The following AARS2 variants were observed in gnomAD, a reference collection of about 807,000 sequenced individuals.
The protein encoded by AARS2 is alanine--tRNA ligase, mitochondrial.
AARS2 carries 78 observed loss-of-function variants against 119.7 expected under a neutral mutation model. The ratio of observed to expected loss-of-function variants is 0.65; its 90% CI spans 0.54 to 0.79. The LOEUF (loss-of-function observed/expected upper bound fraction) is 0.79. AARS2 is among the 30% of genes least tolerant of loss of function. The probability of loss-of-function intolerance (pLI) is 0.00; values close to 1 mark genes in which losing one functional copy is unlikely to be tolerated. For synonymous variants in AARS2, 502 were observed against 526.3 expected (o/e 0.95, Z 0.63); for missense variants, 1,157 against 1,291.3 (o/e 0.90, Z 1.59).
chr6:44,310,962 G>A (rs1786298129), intron 4 of AARS2, 32 bp downstream of exon 4: 1 of 1,613,488 alleles, frequency 6.2e-7, no homozygotes, highest in Admixed American at 1.7e-5. Context: ...CTTCTAGTCA[G>A]GGATTCTCAT....
In AARS2 at chr6:44,298,899, T is replaced by C. The variant is rs1785133254; in HGVS notation, c.*1648A>G. Among the ~76,000 whole-genome samples, 1 of 30,796 alleles carries C rather than the reference T, an allele frequency of 3.2e-5. No homozygotes were observed. The highest frequency in any genetic ancestry group is 2.1e-4 in the Non-Finnish European group (1 of 4,846). 20.2% of individuals were successfully genotyped at this position (30,796 alleles called of 152,430 possible). The stretch of plus-strand genomic sequence containing the variant: ...ACTCATTCTGGTAGGGAAGGAGGGC[T>C]TTCCTCCATCTCTGCTTCCTCCTGC... On this transcript the variant is annotated 3_prime_UTR_variant, in exon 22 of 22. Coordinates refer to ENST00000244571, the MANE Select transcript of AARS2 (RefSeq NM_020745.4).
At chr6:44,312,901 T>TC (rs1424559011) in intron 1 of AARS2, among the ~76,000 whole-genome samples, 180 bp downstream of exon 1, 1 of 151,924 alleles carries the variant, frequency 6.6e-6, no homozygotes, top group Non-Finnish European at 1.5e-5. Context: ...GCTCAAGCCC[T>TC]CCCCAAGCCC....
chr6:44,306,810 T>C (rs893189274), intron 7 of AARS2, 113 bp downstream of exon 7: 15 of 1,013,982 alleles, frequency 1.5e-5, no homozygotes, highest in East Asian at 4.8e-5. Flanking sequence ...CTGGGCTCGA[T>C]ATTTAGGGTG....
chr6:44,306,607 C>A, intron 7 of AARS2, 75 bp from the exon 8 acceptor site: 6 of 1,521,910 alleles, frequency 3.9e-6, no homozygotes, highest in South Asian at 1.1e-5. Context: ...CTGGGCCTCC[C>A]TGAGGACACC....
Position 44,310,428 on chromosome 6 carries a change from G to T in AARS2, c.765C>A (p.Ser255Arg). ...FMQHNREADG[S>R]LQPLPQRHVD... ...CATGCCGCTGGGGCAGGGGCTGCAG[G>T]CTTCCATCTGCCTCTCTGGCCAGGG... Residue 255 changes from serine (S) to arginine (R), a missense_variant, in exon 5 of 22, where the codon AGC becomes AGA. Transcript: ENST00000244571. The T allele has an allele frequency of 6.2e-7, 1 of 1,613,770 alleles. No individual in the cohort carries two copies. Among genetic ancestry groups the T allele is most frequent in the East Asian group, 2.2e-5 (1 of 44,886 alleles).
chr6:44,310,407 C>A lies in AARS2; in HGVS notation c.786G>T (p.Arg262=), dbSNP rs1258639637. 11 of 1,614,100 alleles carry A rather than the reference C, an allele frequency of 6.8e-6. No individual in the cohort carries two copies. The highest frequency in any genetic ancestry group is 8.5e-6 in the Non-Finnish European group (10 of 1,179,974). The change falls in exon 5 of 22, where the codon CGG becomes CGT. Residue 262 remains arginine, a synonymous_variant. Transcript: ENST00000244571. ...ADGSLQPLPQ[R]HVDTGMGLER... ...CCAGGCCCATTCCTGTGTCCACATG[C>A]CGCTGGGGCAGGGGCTGCAGGCTTC...
At chr6:44,301,704 C>G (rs1401547340) in intron 19 of AARS2, among the ~76,000 whole-genome samples, 2 of 152,154 alleles carry the variant, frequency 1.3e-5, no homozygotes, top group South Asian at 2.1e-4. Flanking sequence ...CAGGCCCCTA[C>G]AAATAGGTCG....
chr6:44,301,353 G>A, intron 20 of AARS2, 28 bp downstream of exon 20: 1 of 1,613,778 alleles, frequency 6.2e-7, no homozygotes, highest in Admixed American at 1.7e-5. Context: ...CCCAGACCCT[G>A]GGGCAGCCCG....
At chr6:44,301,976 C>T in intron 19 of AARS2, 84 bp downstream of exon 19, 1 of 1,416,764 alleles carries the variant, frequency 7.1e-7, no homozygotes, top group Admixed American at 1.9e-5. Context: ...CTCTGACTCA[C>T]CCCCATGCCC....
intron 18 of AARS2, 96 bp downstream of exon 18, chr6:44,302,295 C>A: frequency 1.2e-6 from 2 of 1,612,242 alleles, no homozygotes; most frequent in Middle Eastern, 1.7e-4. Context: ...GGAGCCCAAC[C>A]CAATTGGAGT....
Position 44,302,894 on chromosome 6 carries a change from C to T in AARS2, c.2272G>A (p.Gly758Arg), listed in dbSNP as rs772711977. The T allele has an allele frequency of 6.2e-7, 1 of 1,614,134 alleles. No individual in the cohort carries two copies. The highest frequency in any genetic ancestry group is 8.5e-7 in the Non-Finnish European group (1 of 1,180,030). Reference sequence around the variant, plus strand: ...ATGATAACCAGGTCCCCTACAGCCCCAGTACGTAACAGGTGCCTGTGGGAG... The same window carrying T: ...ATGATAACCAGGTCCCCTACAGCCCTAGTACGTAACAGGTGCCTGTGGGAG... ...LCCGTHLLRT[G>R]AVGDLVIIGD... The change falls in exon 17 of 22, where the codon GGG (glycine) becomes AGG (arginine). Residue 758 changes from glycine (G) to arginine (R), a missense_variant. Physicochemically the swap from Gly to Arg is moderately radical, Grantham distance 125 (BLOSUM62 -2). Coordinates refer to ENST00000244571, the MANE Select transcript of AARS2 (RefSeq NM_020745.4).
At position 44,304,783 on chromosome 6, in the gene AARS2, C is replaced by G; in HGVS notation, c.1614G>C (p.Leu538=). 9 of 1,614,230 alleles carry G rather than the reference C, an allele frequency of 5.6e-6. No individual in the cohort carries two copies. Among genetic ancestry groups the G allele is most frequent in the Non-Finnish European group, 7.6e-6 (9 of 1,180,040 alleles). Residue 538 remains leucine, a synonymous_variant, in exon 12 of 22, where the codon CTG becomes CTC. Transcript: ENST00000244571. ...FGTCEAQVLQ[L]YTEDGTAVAS... is the part of the protein sequence containing the mutation. ...CCACTGCTGTCCCGTCCTCTGTATA[C>G]AGTTGCAACACCTGGGCCTCACAGG... is the stretch of plus-strand genomic sequence containing the variant.
intron 11 of AARS2, 73 bp downstream of exon 11, chr6:44,304,981 C>G (rs1175371436): frequency 1.2e-6 from 2 of 1,612,842 alleles, no homozygotes; most frequent in African/African-American, 2.7e-5. Flanking sequence ...GGGCTAGCAG[C>G]AACCATCTTG....
intron 16 of AARS2, 53 bp downstream of exon 16, chr6:44,303,013 G>C (rs1785491160): frequency 6.2e-7 from 1 of 1,608,486 alleles, no homozygotes; most frequent in African/African-American, 1.3e-5. Flanking sequence ...AAGACCAAGG[G>C]AAGGGCAAGG....
In AARS2 at chr6:44,304,033, G is replaced by GTCC. The variant is rs1785602112; in HGVS notation, c.2007+147_2007+148insGGA. 5 of 1,180,014 alleles carry GTCC rather than the reference G, an allele frequency of 4.2e-6. No homozygotes were observed. The South Asian group carries it at 6.5e-5, about 15-fold the overall frequency. 73.1% of individuals were successfully genotyped at this position (1,180,014 alleles called of 1,614,324 possible). On this transcript the variant is annotated intron_variant, in intron 14 of 21. Coordinates refer to ENST00000244571, the MANE Select transcript of AARS2 (RefSeq NM_020745.4). Reference sequence around the variant, plus strand: ...TCACTGCTGCACAAGGAGCCCAAGGGGAAAGGACTTGCCCAGGGTCCCATA... The same window carrying GTCC: ...TCACTGCTGCACAAGGAGCCCAAGGGTCCGAAAGGACTTGCCCAGGGTCCCATA...
chr6:44,300,823 G>A (rs946947871), intron 21 of AARS2, 112 bp from the exon 22 acceptor site: 8 of 1,371,218 alleles, frequency 5.8e-6, no homozygotes, highest in South Asian at 1.2e-5. Context: ...CTTCCCAGCT[G>A]GGCACATGGT....
Position 44,299,195 on chromosome 6 carries a change from C to G in AARS2, c.*1352G>C, listed in dbSNP as rs1224132123. On this transcript the variant is annotated 3_prime_UTR_variant, in exon 22 of 22. Coordinates refer to ENST00000244571, the MANE Select transcript of AARS2 (RefSeq NM_020745.4). ...CCTCTTGGTGAGGGAATATCACCATCCACACTCCTGATCCCCATTCTCTAT... is the reference window on the plus strand; with the variant it reads ...CCTCTTGGTGAGGGAATATCACCATGCACACTCCTGATCCCCATTCTCTAT... Among the ~76,000 whole-genome samples, 1 of 152,090 alleles carries G rather than the reference C, an allele frequency of 6.6e-6. No homozygotes were observed. Among genetic ancestry groups the G allele is most frequent in the Admixed American group, 6.6e-5 (1 of 15,264 alleles).
rs1419293168 is a variant in AARS2 at position 44,307,893 on chromosome 6, G to A, written c.895-499C>T. 2.0e-5 allele frequency among the ~76,000 whole-genome samples: 3 copies of A among 152,126 alleles called. No individual in the cohort carries two copies. Among genetic ancestry groups the A allele is most frequent in the African/African-American group, 7.2e-5 (3 of 41,420 alleles). ...GAGGGAGAGTGTAAGCTACATACAC[G>A]GAAATGCTCCAAAGCAGGGAGCTTG... On this transcript the variant is annotated intron_variant, in intron 5 of 21. Coordinates refer to ENST00000244571, the MANE Select transcript of AARS2 (RefSeq NM_020745.4). This position sits in a 1 kb window ranked among gnomAD's most constrained non-coding sequence, Gnocchi z 4.4.
At chr6:44,311,563 G>A (rs200911992) in intron 2 of AARS2, 28 bp from the exon 3 acceptor site, 5 of 1,608,492 alleles carry the variant, frequency 3.1e-6, no homozygotes, top group Non-Finnish European at 3.4e-6. Context: ...ATGGGGTGGG[G>A]GGGGAAGACG....
Sources: allele counts gnomAD v4.1 joint callset (sites outside exome capture counted in the v4.1 genomes callset), GRCh38; gene constraint gnomAD v4.1.1; non-coding constraint Gnocchi (gnomAD v3.1); transcripts MANE v1.5; gene names NCBI Gene and HGNC (gene_info 2026-07-23, HGNC 2026-07-21).